PREX1: variants seen among roughly 807,000 people sequenced by gnomAD.
The protein encoded by PREX1 is phosphatidylinositol 3,4,5-trisphosphate-dependent Rac exchanger 1 protein.
PREX1 carries 41 observed loss-of-function variants against 198.3 expected under a neutral mutation model. That is an observed-to-expected ratio of 0.21 (90% confidence interval 0.16 to 0.27). The LOEUF (loss-of-function observed/expected upper bound fraction) is 0.27. Ranked by LOEUF, PREX1 falls within the 10% of genes least tolerant of loss-of-function variation. The probability of loss-of-function intolerance (pLI) is 1.00; values close to 1 mark genes in which losing one functional copy is unlikely to be tolerated. For synonymous variants in PREX1, 843 were observed against 887.2 expected (o/e 0.95, Z 0.89); for missense variants, 1,620 against 2,200.7 (o/e 0.74, Z 5.28).
chr20:48,875,393 T>C, the PREX1 span, among the ~76,000 whole-genome samples: 1 of 152,126 alleles, frequency 6.6e-6, no homozygotes, highest in African/African-American at 2.4e-5. Context: ...AGGAGAAGGC[T>C]GAGCAGCTGG....
intron 5 of PREX1, among the ~76,000 whole-genome samples, chr20:48,725,783 T>C (rs112750919): frequency 2.0e-5 from 3 of 152,198 alleles, no homozygotes; most frequent in African/African-American, 7.2e-5. Context: ...CTCACTGTCA[T>C]TGGATCAGAG....
intron 1 of PREX1, among the ~76,000 whole-genome samples, chr20:48,764,746 C>T (rs2090200148): frequency 7.0e-6 from 1 of 142,512 alleles, no homozygotes; most frequent in Non-Finnish European, 1.5e-5. Flanking sequence ...AGCGCCACTA[C>T]ACTCCAACCT....
In PREX1 at chr20:48,770,357, G is replaced by A. The variant is rs570424476; in HGVS notation, c.220-22477C>T. On this transcript the variant is annotated intron_variant, in intron 1 of 39. Coordinates refer to ENST00000371941, the MANE Select transcript of PREX1 (RefSeq NM_020820.4). ...CACGAACCCGAGAATGGGCAGCAGGGCAGGGAAAGCAGCTCAGAGGAGGTC... is the reference window on the plus strand; with the variant it reads ...CACGAACCCGAGAATGGGCAGCAGGACAGGGAAAGCAGCTCAGAGGAGGTC... 4.6e-5 allele frequency among the ~76,000 whole-genome samples: 7 copies of A among 152,278 alleles called. No individual in the cohort carries two copies. In the East Asian group the frequency reaches 5.8e-4, roughly 13 times the overall value.
At chr20:48,885,989 T>G in the PREX1 span, among the ~76,000 whole-genome samples, 20 of 152,318 alleles carry the variant, frequency 1.3e-4, no homozygotes, top group Admixed American at 3.9e-4. Flanking sequence ...GGTGGATACA[T>G]GCCATTATAT....
chr20:48,646,492 G>A (rs2089451708), intron 25 of PREX1, among the ~76,000 whole-genome samples: 1 of 152,020 alleles, frequency 6.6e-6, no homozygotes, highest in Non-Finnish European at 1.5e-5. Flanking sequence ...AGACCAGCCT[G>A]GCCAACATGG....
rs576952326 is a variant in PREX1 at position 48,692,588 on chromosome 20, A to G, written c.1036+84T>C. On this transcript the variant is annotated intron_variant, in intron 8 of 39. Coordinates refer to ENST00000371941, the MANE Select transcript of PREX1 (RefSeq NM_020820.4). ...GATTACATCTCATGATAAAAGAAAA[A>G]AATATATTTAAATGAAACAGAGAGA... 3.4e-4 allele frequency: 398 copies of G among 1,168,406 alleles called. 6 individuals are homozygous for G. In the South Asian group the frequency reaches 5.1e-3, roughly 15 times the overall value. The allele number at this position is 1,168,406 out of a possible 1,614,324, so 72.4% of individuals were successfully genotyped here. A position where few individuals can be genotyped will look rare whatever the true frequency, so the allele number is the denominator to read the frequency against.
At chr20:48,696,612 C>A (rs930237980) in intron 7 of PREX1, among the ~76,000 whole-genome samples, 1 of 89,370 alleles carries the variant, frequency 1.1e-5, no homozygotes, top group Non-Finnish European at 2.2e-5. Context: ...CACACACATA[C>A]ATACATACAT....
At chr20:48,867,237 C>A in the PREX1 span, among the ~76,000 whole-genome samples, 2,268 of 152,234 alleles carry the variant, frequency 0.015, 50 homozygotes, top group African/African-American at 0.049. Context: ...AGCCTGCAAG[C>A]CAATCCACTT....
chr20:48,734,489 A>C, intron 4 of PREX1, 57 bp downstream of exon 4: 1 of 1,460,780 alleles, frequency 6.8e-7, no homozygotes, highest in Non-Finnish European at 9.6e-7. Context: ...TTGTGCCCAG[A>C]TTCCACAAGG....
In PREX1 at chr20:48,632,626, G is replaced by A. The variant is rs2089324090; in HGVS notation, c.4281C>T (p.Phe1427=). The A allele has an allele frequency of 1.2e-6, 2 of 1,613,852 alleles. No individual in the cohort carries two copies. The highest frequency in any genetic ancestry group is 1.7e-6 in the Non-Finnish European group (2 of 1,179,884). Residue 1427 remains phenylalanine, a synonymous_variant, in exon 34 of 40, where the codon TTC becomes TTT. Coordinates refer to ENST00000371941, the MANE Select transcript of PREX1 (RefSeq NM_020820.4). ...DENYVANTNV[F]YHIEGSRQAL... Reference sequence around the variant, plus strand: ...CCTGCCGGCTGCCCTCAATGTGGTAGAAGACGTTGGTGTCTGCGGAAGGAT... The same window carrying A: ...CCTGCCGGCTGCCCTCAATGTGGTAAAAGACGTTGGTGTCTGCGGAAGGAT...
chr20:48,714,648 C>A (rs1305289165), intron 5 of PREX1, among the ~76,000 whole-genome samples: 1 of 152,198 alleles, frequency 6.6e-6, no homozygotes, highest in Non-Finnish European at 1.5e-5. Flanking sequence ...AGCCCTCCTA[C>A]ATTGCTGGTA....
intron 27 of PREX1, among the ~76,000 whole-genome samples, chr20:48,643,577 C>A (rs1024123065): frequency 6.6e-6 from 1 of 152,228 alleles, no homozygotes; most frequent in African/African-American, 2.4e-5. Context: ...CATGCATTCA[C>A]AGGCCCCACC....
In PREX1 at chr20:48,651,545, A is replaced by C; in HGVS notation, c.2506T>G (p.Cys836Gly). 3.1e-6 allele frequency: 5 copies of C among 1,614,122 alleles called. No homozygotes were observed. Among genetic ancestry groups the C allele is most frequent in the Non-Finnish European group, 4.2e-6 (5 of 1,180,000 alleles). ...AGGGTGACCATGGGGCTGTCCTCAC[A>C]CAGGCTCAGCCGGGGACCCAGGGAC... ...LLSLGPRLSL[C>G]EDSPMVTLTV... Residue 836 changes from cysteine (C) to glycine (G), a missense_variant, in exon 22 of 40, where the codon TGT becomes GGT. Transcript: ENST00000371941.
intron 6 of PREX1, among the ~76,000 whole-genome samples, chr20:48,703,227 C>T (rs1312306704): frequency 6.6e-6 from 1 of 152,246 alleles, no homozygotes; most frequent in African/African-American, 2.4e-5. Flanking sequence ...GTACAACAAA[C>T]CCATTCACTC....
At chr20:48,792,034 C>T (rs1028315758) in intron 1 of PREX1, among the ~76,000 whole-genome samples, 1 of 152,162 alleles carries the variant, frequency 6.6e-6, no homozygotes, top group East Asian at 1.9e-4. Context: ...CCTGTGGGGG[C>T]TCACTTCTGT....
At chr20:48,738,364 C>T (rs1170793594) in intron 3 of PREX1, among the ~76,000 whole-genome samples, 2 of 152,344 alleles carry the variant, frequency 1.3e-5, no homozygotes, top group South Asian at 4.1e-4. Context: ...GTTTTCCTCT[C>T]CTTCAGCCTG....
At chr20:48,842,925 C>T in the PREX1 span, among the ~76,000 whole-genome samples, 1 of 152,066 alleles carries the variant, frequency 6.6e-6, no homozygotes, top group Non-Finnish European at 1.5e-5. Flanking sequence ...AAGGGTTTTT[C>T]ATCTATTTTG....
intron 7 of PREX1, among the ~76,000 whole-genome samples, chr20:48,693,611 T>C (rs1675377185): frequency 6.6e-6 from 1 of 152,214 alleles, no homozygotes; most frequent in African/African-American, 2.4e-5. Flanking sequence ...TTTATTAATT[T>C]ATTTTATTTT....
intron 18 of PREX1, among the ~76,000 whole-genome samples, chr20:48,656,718 A>T (rs1005991528): frequency 2.0e-5 from 3 of 152,098 alleles, no homozygotes; most frequent in Non-Finnish European, 4.4e-5. Flanking sequence ...TGCCACGCTC[A>T]CCAGCACAGG....
Sources: gnomAD v4.1 joint callset for allele counts (sites outside exome capture counted in the v4.1 genomes callset) on GRCh38, gnomAD v4.1.1 for gene constraint, MANE v1.5 for transcripts, NCBI Gene and HGNC (gene_info 2026-07-23, HGNC 2026-07-21) for gene names.